The following ROBO2 variants were observed in gnomAD, a reference collection of about 807,000 sequenced individuals.
ROBO2 encodes roundabout guidance receptor 2.
In ROBO2, 53 loss-of-function variants were observed where a neutral mutation model predicts 160.8. The observed-to-expected ratio is 0.33, with a 90% CI of 0.26 to 0.41. ROBO2 has a LOEUF of 0.41. ROBO2 is among the 10% of genes least tolerant of loss of function. The probability of loss-of-function intolerance (pLI) is 1.00; values close to 1 mark genes in which losing one functional copy is unlikely to be tolerated. For missense variants in ROBO2, 1,577 were observed against 1,722.4 expected (o/e 0.92, Z 1.49); for synonymous variants, 664 against 611.7 (o/e 1.09, Z -1.26).
At chr3:76,005,479 C>A (rs1466002718) in intron 2 of ROBO2, among the ~76,000 whole-genome samples, 3 of 152,072 alleles carry the variant, frequency 2.0e-5, no homozygotes, top group African/African-American at 7.2e-5. Context: ...GTATGGGCAG[C>A]CATTTATTTT....
At chr3:76,268,910 C>G (rs987951411) in intron 2 of ROBO2, among the ~76,000 whole-genome samples, 1 of 152,118 alleles carries the variant, frequency 6.6e-6, no homozygotes, top group Non-Finnish European at 1.5e-5. Flanking sequence ...TACTTAGACT[C>G]TTACTCCCAC....
intron 2 of ROBO2, among the ~76,000 whole-genome samples, chr3:76,715,197 G>T (rs1197250110): frequency 1.3e-5 from 2 of 151,982 alleles, no homozygotes; most frequent in Non-Finnish European, 2.9e-5. Context: ...GTTCCCACAG[G>T]ATCTTATTTT....
chr3:77,334,419 C>T (rs1025152475), intron 2 of ROBO2, among the ~76,000 whole-genome samples: 7 of 152,182 alleles, frequency 4.6e-5, no homozygotes, highest in East Asian at 1.9e-4. Context: ...ATCCATTAAA[C>T]GTCTGCTATA....
At chr3:77,538,960 G>C (rs1187556995) in intron 6 of ROBO2, 1 of 438,304 alleles carries the variant, frequency 2.3e-6, no homozygotes, top group African/African-American at 2.0e-5. Flanking sequence ...TGTCGCCCAG[G>C]CTGGAGAGCA....
At chr3:76,052,622 C>A (rs1189332012) in intron 2 of ROBO2, among the ~76,000 whole-genome samples, 3 of 151,986 alleles carry the variant, frequency 2.0e-5, no homozygotes, top group Admixed American at 2.0e-4. Context: ...ATTCTTGCTG[C>A]TTTATAAAAC....
At chr3:77,559,229 A>G (rs1281137146) in intron 9 of ROBO2, among the ~76,000 whole-genome samples, 1 of 152,048 alleles carries the variant, frequency 6.6e-6, no homozygotes, top group Admixed American at 6.6e-5. Context: ...TTGCAATATT[A>G]TATTGGCCAG....
At chr3:76,480,710 A>G (rs761869910) in intron 2 of ROBO2, among the ~76,000 whole-genome samples, 6 of 152,134 alleles carry the variant, frequency 3.9e-5, no homozygotes, top group African/African-American at 7.2e-5. Context: ...GCATCCCAAT[A>G]TCTTTCTAAA....
chr3:77,515,603 C>T (rs1026992928), intron 5 of ROBO2, among the ~76,000 whole-genome samples: 1 of 151,592 alleles, frequency 6.6e-6, no homozygotes. Context: ...TTCTTTGAAC[C>T]CATTAGGAAA....
rs375727972 is a variant in ROBO2 at position 76,121,963 on chromosome 3, C to T, written c.109+184361C>T. On this transcript the variant is annotated intron_variant, in intron 2 of 26. Coordinates refer to the ROBO2 transcript ENST00000487694. ...GATATTATTTAAATGCTCTATTCCTCAATGTATTTTCTTTTAAATTAGTCA... is the reference window on the plus strand; with the variant it reads ...GATATTATTTAAATGCTCTATTCCTTAATGTATTTTCTTTTAAATTAGTCA... Among the ~76,000 whole-genome samples, 36 of 152,258 alleles carry T rather than the reference C, an allele frequency of 2.4e-4. 1 individual carries two copies. The Middle Eastern group carries it at 0.02, about 86-fold the overall frequency.
At chr3:77,138,682 G>A (rs958308051) in intron 2 of ROBO2, among the ~76,000 whole-genome samples, 2 of 151,948 alleles carry the variant, frequency 1.3e-5, no homozygotes, top group African/African-American at 4.8e-5. Flanking sequence ...TTAATGTTCC[G>A]TTTTAGTTCT....
intron 2 of ROBO2, among the ~76,000 whole-genome samples, chr3:76,756,141 A>C (rs1255005173): frequency 6.6e-6 from 1 of 151,882 alleles, no homozygotes; most frequent in South Asian, 2.1e-4. Flanking sequence ...TCTATTGGCC[A>C]GGCTCAAGAA....
At chr3:77,397,569 C>G (rs188060744) in intron 2 of ROBO2, among the ~76,000 whole-genome samples, 13 of 152,194 alleles carry the variant, frequency 8.5e-5, no homozygotes, top group Admixed American at 7.2e-4. Flanking sequence ...AGTAAGAAAC[C>G]TCTTGATGCC....
At chr3:76,102,829 C>CTT (rs146647759) in intron 2 of ROBO2, among the ~76,000 whole-genome samples, 3,696 of 145,066 alleles carry the variant, frequency 0.025, 156 homozygotes, top group African/African-American at 0.087. Flanking sequence ...AGAGACCTGA[C>CTT]TTTTTTTTTT....
chr3:77,344,790 A>C (rs113243789), intron 2 of ROBO2, among the ~76,000 whole-genome samples: 1,560 of 152,066 alleles, frequency 0.01, 20 homozygotes, highest in Middle Eastern at 0.017. Context: ...ATCTGTGAGA[A>C]TTTTCTCTCA....
intron 2 of ROBO2, among the ~76,000 whole-genome samples, chr3:76,949,977 C>T (rs2078861307): frequency 6.6e-6 from 1 of 152,222 alleles, no homozygotes; most frequent in Non-Finnish European, 1.5e-5. Flanking sequence ...TTAGGATTAG[C>T]TGAACCTATT....
chr3:76,475,307 C>T (rs1028281130), intron 2 of ROBO2, among the ~76,000 whole-genome samples: 6 of 151,774 alleles, frequency 4.0e-5, no homozygotes, highest in Non-Finnish European at 8.8e-5. Context: ...TGTTCAGGGA[C>T]TGCTGGAAAA....
At chr3:76,947,549 A>G (rs950025919) in intron 2 of ROBO2, among the ~76,000 whole-genome samples, 1 of 151,966 alleles carries the variant, frequency 6.6e-6, no homozygotes, top group African/African-American at 2.4e-5. Context: ...TCGATGACAT[A>G]TGACTGTTTT....
At chr3:77,102,127 G>A (rs905126633) in intron 2 of ROBO2, among the ~76,000 whole-genome samples, 2 of 152,248 alleles carry the variant, frequency 1.3e-5, no homozygotes, top group African/African-American at 2.4e-5. Flanking sequence ...GTGGGCTCCA[G>A]TGATGGGGAC....
chr3:76,289,920 A>G (rs1005115044), intron 2 of ROBO2, among the ~76,000 whole-genome samples: 2 of 152,154 alleles, frequency 1.3e-5, no homozygotes, highest in African/African-American at 4.8e-5. Context: ...GAAGTCAGGT[A>G]GTGTAATGCA....
Sources: allele counts gnomAD v4.1 joint callset (sites outside exome capture counted in the v4.1 genomes callset), GRCh38; gene constraint gnomAD v4.1.1; transcripts MANE v1.5; gene names NCBI Gene and HGNC (gene_info 2026-07-23, HGNC 2026-07-21).